Variants in ZMYM1 observed in about 807,000 individuals in gnomAD.
ZMYM1 encodes the protein zinc finger MYM-type containing 1, also known as zinc finger MYM-type protein 1.
In ZMYM1, 39 loss-of-function variants were observed where a neutral mutation model predicts 60.0. The observed-to-expected ratio is 0.65, with a 90% CI of 0.50 to 0.85. ZMYM1 has a LOEUF of 0.85. Among genes scored for constraint, ZMYM1 ranks in the 40% least tolerant of loss-of-function variants. ZMYM1 has a pLI of 0.00. For missense variants in ZMYM1, 1,171 were observed against 1,309.5 expected (o/e 0.89, Z 1.63); for synonymous variants, 413 against 454.0 (o/e 0.91, Z 1.15).
chr1:35,111,985 A>G, intron 8 of ZMYM1, 73 bp downstream of exon 8: 2 of 1,555,060 alleles, frequency 1.3e-6, no homozygotes, highest in South Asian at 1.2e-5. Context: ...TATATGCTAA[A>G]TTTTCTTTTT....
chr1:35,081,640 T>A (rs1482835940), intron 1 of ZMYM1, among the ~76,000 whole-genome samples: 1 of 152,240 alleles, frequency 6.6e-6, no homozygotes, highest in African/African-American at 2.4e-5. Context: ...TTTATGATGC[T>A]GCAGAAAATG....
At chr1:35,073,338 A>AAAGAAAGGAAGGAAGGAAGGAAGGAAGG (rs759958889) in intron 1 of ZMYM1, among the ~76,000 whole-genome samples, 90 of 115,768 alleles carry the variant, frequency 7.8e-4, no homozygotes, top group African/African-American at 2.7e-3. Context: ...AGAAAGAAAG[A>AAAGAAAGGAAGGAAGGAAGGAAGGAAGG]AAGGAAGGAA....
intron 1 of ZMYM1, among the ~76,000 whole-genome samples, chr1:35,079,742 G>C (rs1642267615): frequency 6.6e-6 from 1 of 152,184 alleles, no homozygotes; most frequent in Admixed American, 6.5e-5. Context: ...TCAGACTTTA[G>C]TCTCGCTCCG....
At chr1:35,064,805 G>A (rs1270621714) in intron 1 of ZMYM1, among the ~76,000 whole-genome samples, 1 of 148,444 alleles carries the variant, frequency 6.7e-6, no homozygotes, top group Non-Finnish European at 1.5e-5. Flanking sequence ...TCCTGCCTCA[G>A]CCTCTCCGAG....
At chr1:35,060,463 A>G (rs1215261414) in intron 1 of ZMYM1, among the ~76,000 whole-genome samples, 1 of 152,064 alleles carries the variant, frequency 6.6e-6, no homozygotes, top group Non-Finnish European at 1.5e-5. Flanking sequence ...CCCGGCTGGA[A>G]AAAATCTATT....
Position 35,072,831 on chromosome 1 carries a change from C to T in ZMYM1, c.-300-6163C>T, listed in dbSNP as rs144346854. On this transcript the variant is annotated intron_variant, in intron 1 of 10. Coordinates refer to the ZMYM1 transcript ENST00000417119. The stretch of plus-strand genomic sequence containing the variant: ...GAGCAGTGGCTCATGCCTGTAATCC[C>T]AGCACTTTGGGAGGCCAAGACAGGT... Among the ~76,000 whole-genome samples, 1,436 of 152,252 alleles carry T rather than the reference C, an allele frequency of 9.4e-3. 11 individuals carry two copies. Among genetic ancestry groups the T allele is most frequent in the Middle Eastern group, 0.017 (5 of 294 alleles).
At position 35,112,967 on chromosome 1, in the gene ZMYM1, T is replaced by C; in HGVS notation, c.1147-10T>C. On this transcript the variant is annotated splice_polypyrimidine_tract_variant and intron_variant, in intron 9 of 9. Transcript: ENST00000359858. Reference sequence around the variant, plus strand: ...ACTGTTAAATGTTCTTTTCTCATTTTCTCCCAAAGCTTTCTAAGAGTTCAC... The same window carrying C: ...ACTGTTAAATGTTCTTTTCTCATTTCCTCCCAAAGCTTTCTAAGAGTTCAC... The C allele has an allele frequency of 6.6e-7, 1 of 1,512,334 alleles. No homozygotes were observed. Among genetic ancestry groups the C allele is most frequent in the Non-Finnish European group, 8.8e-7 (1 of 1,133,046 alleles). The allele number at this position is 1,512,334 out of a possible 1,614,324, so 93.7% of individuals were successfully genotyped here.
chr1:35,093,843 G>C (rs1643161753), intron 1 of ZMYM1, 71 bp from the exon 2 acceptor site: 2 of 537,534 alleles, frequency 3.7e-6, no homozygotes, highest in Non-Finnish European at 6.4e-6. Context: ...ACCCTTTTGT[G>C]GTTCTAGAAA....
chr1:35,066,065 C>G (rs1277242713), intron 1 of ZMYM1, among the ~76,000 whole-genome samples: 2 of 151,970 alleles, frequency 1.3e-5, no homozygotes, highest in African/African-American at 4.8e-5. Context: ...TAGAAATTTC[C>G]AGGCCCAGAT....
intron 1 of ZMYM1, among the ~76,000 whole-genome samples, chr1:35,083,483 C>T (rs1304822518): frequency 6.6e-6 from 1 of 152,130 alleles, no homozygotes; most frequent in Non-Finnish European, 1.5e-5. Flanking sequence ...TTTTGGTTTT[C>T]ACCAGTGTAA....
In ZMYM1 at chr1:35,113,771, T is replaced by C; in HGVS notation, c.1941T>C (p.Cys647=). 1 of 1,613,940 alleles carries C rather than the reference T, an allele frequency of 6.2e-7. No individual in the cohort carries two copies. The highest frequency in any genetic ancestry group is 8.5e-7 in the Non-Finnish European group (1 of 1,179,896). ...ACTCCTCAGCATTTTCAATCATATG[T>C]GATGAGACAATCAATAGTGCCATGA... ...INDSSAFSII[C]DETINSAMKE... The change falls in exon 10 of 10, where the codon TGT becomes TGC. Residue 647 remains cysteine (C), a synonymous_variant. Transcript: ENST00000359858.
At chr1:35,101,501 T>C (rs1484642663) in intron 4 of ZMYM1, among the ~76,000 whole-genome samples, 1 of 149,528 alleles carries the variant, frequency 6.7e-6, no homozygotes, top group Non-Finnish European at 1.5e-5. Context: ...TTTTCAGACT[T>C]CCATGCGTCG....
chr1:35,091,731 CAA>C (rs755636348), intron 1 of ZMYM1, among the ~76,000 whole-genome samples: 13 of 107,970 alleles, frequency 1.2e-4, no homozygotes, highest in Admixed American at 1.0e-4. Context: ...ACCTTCTCTA[CAA>C]AAAAAAAAAA....
downstream of ZMYM1, among the ~76,000 whole-genome samples, chr1:35,117,900 A>G (rs927104766): frequency 3.3e-5 from 5 of 152,066 alleles, no homozygotes; most frequent in Admixed American, 6.5e-5. Flanking sequence ...AGATCGTGCA[A>G]TTGCACTCTA....
chr1:35,092,703 C>T (rs533415023), intron 1 of ZMYM1, among the ~76,000 whole-genome samples: 1 of 152,156 alleles, frequency 6.6e-6, no homozygotes, highest in African/African-American at 2.4e-5. Flanking sequence ...TCTTGGCCCA[C>T]TGCAACCTCT....
chr1:35,067,326 T>C (rs1324684927), intron 1 of ZMYM1, among the ~76,000 whole-genome samples: 1 of 151,730 alleles, frequency 6.6e-6, no homozygotes, highest in African/African-American at 2.4e-5. Flanking sequence ...CTCCTTCTGT[T>C]GCCCAGGCTG....
rs1386166067 is a variant in ZMYM1, at chr1:35,114,627, C to T, written c.2797C>T (p.Pro933Ser). 1 of 1,607,032 alleles carries T rather than the reference C, an allele frequency of 6.2e-7. No individual in the cohort carries two copies. The highest frequency in any genetic ancestry group is 8.5e-7 in the Non-Finnish European group (1 of 1,178,206). ...ITCKGFKVEK[P>S]SLQKRRKIQK... Reference sequence around the variant, plus strand: ...CTGTAAAGGTTTTAAAGTTGAAAAACCTTCTCTTCAGAAAAGAAGAAAAAT... The same window carrying T: ...CTGTAAAGGTTTTAAAGTTGAAAAATCTTCTCTTCAGAAAAGAAGAAAAAT... Residue 933 changes from proline (P) to serine (S), a missense_variant, in exon 10 of 10, where the codon CCT becomes TCT. Pro to Ser is a moderately conservative substitution (Grantham distance 74). Transcript: ENST00000359858.
downstream of ZMYM1, among the ~76,000 whole-genome samples, chr1:35,116,835 A>ATTTTTTTTTTTTTTTT (rs10671957): frequency 1.1e-5 from 1 of 88,966 alleles, no homozygotes; most frequent in African/African-American, 4.6e-5. Context: ...TAGGCCTGGA[A>ATTTTTTTTTTTTTTTT]TTTTTTTTTT....
intron 1 of ZMYM1, among the ~76,000 whole-genome samples, chr1:35,083,515 T>A (rs1642500966): frequency 6.6e-6 from 1 of 152,190 alleles, no homozygotes; most frequent in South Asian, 2.1e-4. Context: ...CTACTCGCGT[T>A]TTTCTTTATA....
Sources: gnomAD v4.1 joint callset for allele counts (sites outside exome capture counted in the v4.1 genomes callset) on GRCh38, gnomAD v4.1.1 for gene constraint, MANE v1.5 for transcripts, NCBI Gene and HGNC (gene_info 2026-07-23, HGNC 2026-07-21) for gene names.